MICAL3: variants seen among roughly 807,000 people sequenced by gnomAD.
MICAL3 encodes microtubule associated monooxygenase, calponin and LIM domain containing 3.
A neutral mutation model predicts 207.4 loss-of-function variants in MICAL3; 62 were observed. The ratio of observed to expected loss-of-function variants is 0.30; its 90% CI spans 0.24 to 0.37. MICAL3 has a LOEUF of 0.37. Ranked by LOEUF, MICAL3 falls within the 10% of genes least tolerant of loss-of-function variation. The pLI, the probability that MICAL3 is intolerant of heterozygous loss-of-function variation, is 1.00. For missense variants in MICAL3, 2,368 were observed against 2,635.6 expected (o/e 0.90, Z 2.22); for synonymous variants, 1,077 against 1,069.3 (o/e 1.01, Z -0.14).
chr22:18,018,588 G>C (rs1017678935), intron 1 of MICAL3, among the ~76,000 whole-genome samples: 1 of 152,064 alleles, frequency 6.6e-6, no homozygotes, highest in African/African-American at 2.4e-5. Context: ...AGGGTATGGT[G>C]GTGGGCACCT....
chr22:17,895,908 G>A (rs945376568), intron 9 of MICAL3, among the ~76,000 whole-genome samples: 1 of 152,014 alleles, frequency 6.6e-6, no homozygotes, highest in African/African-American at 2.4e-5. Context: ...TATTGCATTT[G>A]CAAAAATCTG....
At chr22:17,889,597 CAGG>C (rs1322842889) in intron 12 of MICAL3, among the ~76,000 whole-genome samples, 1 of 152,134 alleles carries the variant, frequency 6.6e-6, no homozygotes, top group African/African-American at 2.4e-5. Context: ...AAGGGTGAGG[CAGG>C]AGAATTGCTT....
intron 21 of MICAL3, among the ~76,000 whole-genome samples, chr22:17,830,701 C>T (rs1249503205): frequency 1.3e-5 from 2 of 152,168 alleles, no homozygotes; most frequent in East Asian, 3.9e-4. Context: ...GTGTGGAGTG[C>T]GGGTCACTAA....
intron 1 of MICAL3, among the ~76,000 whole-genome samples, chr22:17,939,823 C>G (rs903293362): frequency 6.6e-6 from 1 of 152,162 alleles, no homozygotes; most frequent in Non-Finnish European, 1.5e-5. Context: ...GCCTACCTAA[C>G]GCCAAAAAGA....
chr22:17,872,706 G>A (rs760211260), intron 16 of MICAL3: 1 of 1,224,988 alleles, frequency 8.2e-7, no homozygotes, highest in Non-Finnish European at 1.2e-6. Flanking sequence ...TCCCATGGCT[G>A]TGCTGGGTCT....
In MICAL3 at chr22:17,818,695, G is replaced by C. The variant is rs755990414; in HGVS notation, c.3966C>G (p.Asp1322Glu). Residue 1322 changes from aspartate (D) to glutamate (E), a missense_variant, in exon 26 of 32, where the codon GAC (aspartate) becomes GAG (glutamate). This residue lies in a region of MICAL3 where 1,770 missense variants were observed against 1,863.2 expected (regional missense o/e 0.95). Transcript: ENST00000441493. ...LAVDEALRRS[D>E]LVEEFWMKSA... ...TCTTCATCCAGAACTCCTCCACCAG[G>C]TCGCTCCGTCTGAGGGCCTCATCCA... The C allele has an allele frequency of 6.2e-7, 1 of 1,613,832 alleles. No homozygotes were observed. Among genetic ancestry groups the C allele is most frequent in the Admixed American group, 1.7e-5 (1 of 60,030 alleles).
At chr22:17,915,312 C>T (rs1037035936) in intron 1 of MICAL3, among the ~76,000 whole-genome samples, 9 of 152,204 alleles carry the variant, frequency 5.9e-5, no homozygotes, top group Non-Finnish European at 1.2e-4. Flanking sequence ...GCTACCCGGT[C>T]ACCTACACTT....
At chr22:17,864,232 C>A in intron 19 of MICAL3, 1 of 1,024,808 alleles carries the variant, frequency 9.8e-7, no homozygotes, top group South Asian at 4.1e-5. Context: ...TGTTCACCTC[C>A]CAACACAAGG....
At chr22:17,905,413 T>G (rs1427354467) in intron 2 of MICAL3, among the ~76,000 whole-genome samples, 1 of 152,138 alleles carries the variant, frequency 6.6e-6, no homozygotes, top group Admixed American at 6.5e-5. Flanking sequence ...AAATCCACAC[T>G]CCAGAGAAGT....
intron 12 of MICAL3, among the ~76,000 whole-genome samples, chr22:17,890,853 G>A (rs766725103): frequency 9.8e-5 from 15 of 152,304 alleles, no homozygotes; most frequent in Non-Finnish European, 7.4e-5. Context: ...GCTGGTCCCC[G>A]CAGCTGACCT....
chr22:17,879,846 T>C (rs1929255447), intron 16 of MICAL3, among the ~76,000 whole-genome samples: 1 of 152,136 alleles, frequency 6.6e-6, no homozygotes, highest in African/African-American at 2.4e-5. Flanking sequence ...CAGAGGAAAC[T>C]CCAGAGTGGG....
At chr22:17,968,201 G>A (rs1270425392) in intron 1 of MICAL3, among the ~76,000 whole-genome samples, 1 of 152,166 alleles carries the variant, frequency 6.6e-6, no homozygotes, top group Admixed American at 6.5e-5. Context: ...AGGAAAGAGA[G>A]GAAATGGCGA....
chr22:17,835,395 C>T (rs974925000), intron 20 of MICAL3, among the ~76,000 whole-genome samples: 9 of 152,362 alleles, frequency 5.9e-5, no homozygotes, highest in African/African-American at 1.2e-4. Context: ...CAGAGGAACC[C>T]GGCAGGAGTT....
chr22:17,848,748 A>G (rs766842308), intron 19 of MICAL3, among the ~76,000 whole-genome samples: 2 of 152,216 alleles, frequency 1.3e-5, no homozygotes, highest in Non-Finnish European at 2.9e-5. Flanking sequence ...CCTGGGTAGG[A>G]AAGATTCAGA....
rs1431160252 is a variant in MICAL3 at position 17,791,229 on chromosome 22, A to G, written c.5723T>C (p.Val1908Ala). 6 of 1,613,756 alleles carry G rather than the reference A, an allele frequency of 3.7e-6. No homozygotes were observed. The African/African-American group carries it at 6.7e-5, about 18-fold the overall frequency. ...GATCATCAGCTCCGACTCGTAGCGC[A>G]CCATGGCGTTCTTCTCCTGCACTAG... ...FKLVQEKNAM[V>A]RYESELMIFA... Residue 1908 changes from valine to alanine, a missense_variant, in exon 30 of 32, where the codon GTG becomes GCG. Physicochemically the swap from Val to Ala is moderately conservative, Grantham distance 64. Coordinates refer to ENST00000441493, the MANE Select transcript of MICAL3 (RefSeq NM_015241.3).
intron 19 of MICAL3, among the ~76,000 whole-genome samples, chr22:17,856,737 T>C (rs578234835): frequency 1.4e-5 from 2 of 147,340 alleles, no homozygotes; most frequent in Admixed American, 1.4e-4. Context: ...TTCTCCTGCC[T>C]CAGCCTCCCG....
At chr22:17,792,940 CA>C (rs1456064368) in intron 29 of MICAL3, among the ~76,000 whole-genome samples, 6 of 152,256 alleles carry the variant, frequency 3.9e-5, no homozygotes, top group African/African-American at 1.4e-4. Flanking sequence ...AATGTGCCCA[CA>C]TGGCCGTGGA....
At chr22:17,941,218 C>T (rs1018078721) in intron 1 of MICAL3, among the ~76,000 whole-genome samples, 2 of 152,178 alleles carry the variant, frequency 1.3e-5, no homozygotes, top group African/African-American at 4.8e-5. Context: ...TGCATTTGCC[C>T]TAAGAGACTC....
At chr22:17,917,456 A>C (rs1932602548) in intron 1 of MICAL3, among the ~76,000 whole-genome samples, 1 of 152,084 alleles carries the variant, frequency 6.6e-6, no homozygotes, top group Non-Finnish European at 1.5e-5. Flanking sequence ...AATACAGCCA[A>C]ATCCAACCAC....
Sources: gnomAD v4.1 joint callset for allele counts (sites outside exome capture counted in the v4.1 genomes callset) on GRCh38, gnomAD v4.1.1 for gene constraint, gnomAD v4.1.1 regional missense constraint, MANE v1.5 for transcripts, NCBI Gene and HGNC (gene_info 2026-07-23, HGNC 2026-07-21) for gene names.